RANBP2: variants seen among roughly 807,000 people sequenced by gnomAD.
RANBP2 encodes E3 SUMO-protein ligase RanBP2.
In RANBP2, 57 loss-of-function variants were observed where a neutral mutation model predicts 303.6. The observed-to-expected ratio is 0.19, with a 90% CI of 0.15 to 0.23. The LOEUF is 0.23. Among genes scored for constraint, RANBP2 ranks in the 10% least tolerant of loss-of-function variants. The pLI is 1.00. For synonymous variants in RANBP2, 1,167 were observed against 1,301.5 expected, an observed-to-expected ratio of 0.90 and a Z score of 2.23; for missense variants, 3,138 against 3,780.8, an observed-to-expected ratio of 0.83 and a Z score of 4.46.
chr2:108,921,060 C>G, the RANBP2 span, among the ~76,000 whole-genome samples: 1 of 152,300 alleles, frequency 6.6e-6, no homozygotes, highest in East Asian at 1.9e-4. Flanking sequence ...CCAAGCAATT[C>G]GAGTCATAAG....
rs536919870 is a variant in RANBP2 at position 108,779,990 on chromosome 2, A to C, written c.8600-1279A>C. 1.2e-4 allele frequency among the ~76,000 whole-genome samples: 19 copies of C among 152,210 alleles called. 1 individual carries two copies. The East Asian group carries it at 3.7e-3, about 29-fold the overall frequency. ...TTGGCCTGCTGAGCTAAGTTTACAA[A>C]ATTTCAAGGTGGGTACTTGAAATTT... On this transcript the variant is annotated intron_variant, in intron 25 of 28. Coordinates refer to ENST00000283195, the MANE Select transcript of RANBP2 (RefSeq NM_006267.5).
chr2:108,755,649 T>A (rs3108313), intron 17 of RANBP2, among the ~76,000 whole-genome samples: 54,258 of 151,958 alleles, frequency 0.36, 13,079 homozygotes, highest in African/African-American at 0.69. Context: ...TGCTTCAGCC[T>A]CCCAAAGTGC....
At chr2:108,907,502 G>T in the RANBP2 span, among the ~76,000 whole-genome samples, 1 of 152,032 alleles carries the variant, frequency 6.6e-6, no homozygotes, top group East Asian at 1.9e-4. Context: ...AAAAAAATTA[G>T]CTGGGTGTGG....
At chr2:109,208,175 C>T in the RANBP2 span, among the ~76,000 whole-genome samples, 1 of 152,256 alleles carries the variant, frequency 6.6e-6, no homozygotes, top group Non-Finnish European at 1.5e-5. Flanking sequence ...TGCAACTGCC[C>T]TGTGGCACCT....
At chr2:108,959,184 C>T in the RANBP2 span, among the ~76,000 whole-genome samples, 46 of 152,174 alleles carry the variant, frequency 3.0e-4, no homozygotes, top group African/African-American at 6.3e-4. Flanking sequence ...GCAGGTGGCC[C>T]GAGGAAAGCC....
At chr2:109,471,191 C>A in the RANBP2 span, among the ~76,000 whole-genome samples, 319 of 123,274 alleles carry the variant, frequency 2.6e-3, 1 homozygote, top group Non-Finnish European at 3.4e-3. Context: ...CCAGCCTGGG[C>A]GACAGACTCT....
the RANBP2 span, among the ~76,000 whole-genome samples, chr2:109,224,821 C>T: frequency 6.6e-6 from 1 of 152,160 alleles, no homozygotes; most frequent in Non-Finnish European, 1.5e-5. Context: ...CATGCCACTG[C>T]AGTCCAGCCT....
the RANBP2 span, among the ~76,000 whole-genome samples, chr2:109,330,688 TGATG>T: frequency 6.6e-6 from 1 of 152,052 alleles, no homozygotes; most frequent in African/African-American, 2.4e-5. Context: ...GATGGATGAA[TGATG>T]GATGGATACA....
At chr2:109,367,870 G>C in the RANBP2 span, among the ~76,000 whole-genome samples, 1 of 152,156 alleles carries the variant, frequency 6.6e-6, no homozygotes, top group African/African-American at 2.4e-5. Context: ...TTTGATATTT[G>C]ATAGGAATCA....
the RANBP2 span, among the ~76,000 whole-genome samples, chr2:108,951,198 G>A: frequency 6.6e-6 from 1 of 152,174 alleles, no homozygotes; most frequent in Non-Finnish European, 1.5e-5. Context: ...GGTTATATGA[G>A]CTCAGTTTCC....
chr2:109,663,193 A>C, the RANBP2 span, among the ~76,000 whole-genome samples: 1,099 of 152,272 alleles, frequency 7.2e-3, 10 homozygotes, highest in African/African-American at 0.021. Flanking sequence ...AATCCTATTC[A>C]TATTCATTCA....
At chr2:109,206,297 T>A in the RANBP2 span, among the ~76,000 whole-genome samples, 1 of 151,984 alleles carries the variant, frequency 6.6e-6, no homozygotes, top group East Asian at 1.9e-4. Flanking sequence ...GAGACCATCC[T>A]GGCTAACATG....
chr2:109,686,341 G>C, the RANBP2 span, among the ~76,000 whole-genome samples: 2 of 152,084 alleles, frequency 1.3e-5, no homozygotes, highest in Non-Finnish European at 2.9e-5. Flanking sequence ...TTGAGACGGA[G>C]CCTTACTCTG....
At chr2:109,148,603 T>C in the RANBP2 span, among the ~76,000 whole-genome samples, 1 of 152,164 alleles carries the variant, frequency 6.6e-6, no homozygotes, top group Non-Finnish European at 1.5e-5. Flanking sequence ...AAATACTCGA[T>C]TATGTATAAT....
chr2:109,458,572 C>CAGAGAGAGAG, the RANBP2 span, among the ~76,000 whole-genome samples: 968 of 123,032 alleles, frequency 7.9e-3, 35 homozygotes, highest in African/African-American at 0.023. Flanking sequence ...CAGCAGGAGA[C>CAGAGAGAGAG]AGAGAGAGAG....
the RANBP2 span, among the ~76,000 whole-genome samples, chr2:109,505,131 C>T: frequency 2.0e-5 from 3 of 152,312 alleles, no homozygotes; most frequent in South Asian, 6.2e-4. Context: ...TTCCCTGGAG[C>T]ACAGGATGGG....
chr2:109,018,716 A>T, the RANBP2 span, among the ~76,000 whole-genome samples: 1 of 152,140 alleles, frequency 6.6e-6, no homozygotes, highest in Non-Finnish European at 1.5e-5. Context: ...CTGGCACTCT[A>T]ACTTATCCTT....
At chr2:108,897,360 G>C in the RANBP2 span, 1 of 903,430 alleles carries the variant, frequency 1.1e-6, no homozygotes, top group African/African-American at 1.7e-5. Flanking sequence ...CATGCAGAAA[G>C]CCACCTAAAA....
At chr2:108,722,037 ATTTTTTTTT>A (rs754633212) in intron 1 of RANBP2, among the ~76,000 whole-genome samples, 1 of 136,648 alleles carries the variant, frequency 7.3e-6, no homozygotes, top group African/African-American at 2.7e-5. Context: ...GCTCAGCCTG[ATTTTTTTTT>A]TTTTAAACAA....
Sources: gnomAD v4.1 joint callset for allele counts (sites outside exome capture counted in the v4.1 genomes callset) on GRCh38, gnomAD v4.1.1 for gene constraint, MANE v1.5 for transcripts, NCBI Gene and HGNC (gene_info 2026-07-23, HGNC 2026-07-21) for gene names.